TANC2: variants seen among roughly 807,000 people sequenced by gnomAD.
TANC2 encodes protein TANC2.
In TANC2, 26 loss-of-function variants were observed where a neutral mutation model predicts 210.5. The ratio of observed to expected loss-of-function variants is 0.12; its 90% confidence interval spans 0.09 to 0.17. TANC2 has a LOEUF of 0.17. TANC2 is among the 10% of genes least tolerant of loss of function. The pLI is 1.00. For missense variants in TANC2, 2,129 were observed against 2,608.9 expected (o/e 0.82, Z 4.01); for synonymous variants, 931 against 967.1 (o/e 0.96, Z 0.69).
intron 4 of TANC2, among the ~76,000 whole-genome samples, chr17:63,123,990 A>C (rs943730282): frequency 3.3e-5 from 5 of 152,094 alleles, no homozygotes; most frequent in South Asian, 2.1e-4. Flanking sequence ...CATGAGCCAC[A>C]GCGCCCGGCC....
chr17:63,046,297 C>G (rs1253187540), intron 2 of TANC2, among the ~76,000 whole-genome samples: 1 of 135,120 alleles, frequency 7.4e-6, no homozygotes, highest in Non-Finnish European at 1.5e-5. Context: ...GTAGCTGGGA[C>G]TACAGGTGCG....
intron 14 of TANC2, among the ~76,000 whole-genome samples, chr17:63,361,383 T>A (rs1384780199): frequency 2.6e-5 from 4 of 152,204 alleles, no homozygotes; most frequent in Non-Finnish European, 5.9e-5. Flanking sequence ...GTGAGCAGTG[T>A]GTGGACAAGA....
intron 2 of TANC2, among the ~76,000 whole-genome samples, chr17:63,063,376 G>A (rs1568355374): frequency 6.6e-6 from 1 of 152,134 alleles, no homozygotes; most frequent in African/African-American, 2.4e-5. Context: ...ATGATGGGCT[G>A]AAAGTTCCTA....
intron 1 of TANC2, among the ~76,000 whole-genome samples, chr17:62,997,160 C>T (rs2033159456): frequency 7.1e-6 from 1 of 140,774 alleles, no homozygotes; most frequent in South Asian, 2.4e-4. Context: ...GACAGAGTCT[C>T]ACTCTCTTTC....
chr17:63,133,902 A>G (rs1567751978), intron 4 of TANC2, among the ~76,000 whole-genome samples: 1 of 152,014 alleles, frequency 6.6e-6, no homozygotes, highest in Non-Finnish European at 1.5e-5. Flanking sequence ...TAAATCCAAC[A>G]TTAGCATGAT....
chr17:63,403,735 G>A (rs1488793105), intron 19 of TANC2, among the ~76,000 whole-genome samples: 1 of 152,072 alleles, frequency 6.6e-6, no homozygotes, highest in South Asian at 2.1e-4. Flanking sequence ...AGATAGAACT[G>A]GTTTAAGAGT....
At chr17:63,128,394 T>A (rs978106812) in intron 4 of TANC2, among the ~76,000 whole-genome samples, 3 of 152,158 alleles carry the variant, frequency 2.0e-5, no homozygotes, top group Admixed American at 6.5e-5. Flanking sequence ...AAATTAAAAA[T>A]AAATTTTCAG....
chr17:63,190,531 C>T (rs1422982519), intron 5 of TANC2, among the ~76,000 whole-genome samples: 1 of 151,920 alleles, frequency 6.6e-6, no homozygotes, highest in Admixed American at 6.6e-5. Context: ...TAATTTTGGG[C>T]CCCTTATATT....
At chr17:63,029,872 G>C (rs1017511261) in intron 2 of TANC2, among the ~76,000 whole-genome samples, 1 of 152,194 alleles carries the variant, frequency 6.6e-6, no homozygotes, top group Admixed American at 6.6e-5. Flanking sequence ...AGCAGCATTT[G>C]CTAGTAGATG....
At chr17:63,198,932 A>G (rs1164362988) in intron 6 of TANC2, among the ~76,000 whole-genome samples, 1 of 152,334 alleles carries the variant, frequency 6.6e-6, no homozygotes. Context: ...TGTTGTTAAG[A>G]AAAATTAGAT....
chr17:63,357,175 G>A (rs1183680504), intron 14 of TANC2, among the ~76,000 whole-genome samples: 1 of 152,164 alleles, frequency 6.6e-6, no homozygotes, highest in Non-Finnish European at 1.5e-5. Flanking sequence ...CCTAATAAAC[G>A]CTTTGAGATC....
intron 19 of TANC2, among the ~76,000 whole-genome samples, chr17:63,401,234 G>C (rs144302317): frequency 6.6e-6 from 1 of 152,238 alleles, no homozygotes; most frequent in Non-Finnish European, 1.5e-5. Context: ...GTGACCCAAA[G>C]CTAGTTGGTG....
chr17:63,225,679 C>T (rs1285443022), intron 7 of TANC2, among the ~76,000 whole-genome samples: 1 of 152,148 alleles, frequency 6.6e-6, no homozygotes, highest in Non-Finnish European at 1.5e-5. Context: ...TGCATTTTTA[C>T]CTCATTCTTT....
intron 1 of TANC2, among the ~76,000 whole-genome samples, chr17:63,008,103 G>A (rs190276458): frequency 2.2e-4 from 33 of 151,144 alleles, no homozygotes; most frequent in Admixed American, 2.1e-3. Context: ...TTTTTTGGGG[G>A]TCTGGCTGTT....
chr17:63,243,735 A>ATT (rs1050015659), intron 8 of TANC2, among the ~76,000 whole-genome samples: 31 of 152,174 alleles, frequency 2.0e-4, no homozygotes, highest in Non-Finnish European at 7.3e-5. Flanking sequence ...AGTTACATGG[A>ATT]TTTATACTCA....
chr17:63,332,936 T>C (rs936627103), intron 11 of TANC2, among the ~76,000 whole-genome samples: 1 of 135,942 alleles, frequency 7.4e-6, no homozygotes, highest in Non-Finnish European at 1.6e-5. Flanking sequence ...CATGGTTTAC[T>C]GATTATTTTA....
In TANC2 at chr17:63,388,665, TC is replaced by T; in HGVS notation, c.2724del (p.Ile909SerfsTer29). The T allele has an allele frequency of 6.2e-7, 1 of 1,607,124 alleles. No individual in the cohort carries two copies. Among genetic ancestry groups the T allele is most frequent in the Admixed American group, 1.7e-5 (1 of 59,260 alleles). On this transcript the variant is annotated frameshift_variant, in exon 16 of 28. Coordinates refer to ENST00000689528, the Ensembl canonical transcript of TANC2. LOFTEE classifies it high-confidence loss of function. ...GAGTAAAAAAGTTGGTGTATCATCC[TC>T]CATCCTCCAAGGTCTCTGGATCTCT...
At chr17:63,217,350 G>T (rs1054469801) in intron 7 of TANC2, among the ~76,000 whole-genome samples, 1 of 152,158 alleles carries the variant, frequency 6.6e-6, no homozygotes. Context: ...GCTATTAAGG[G>T]TGAGGTAGGG....
At chr17:63,279,411 A>T (rs1305197806) in intron 9 of TANC2, among the ~76,000 whole-genome samples, 2 of 149,064 alleles carry the variant, frequency 1.3e-5, no homozygotes, top group Non-Finnish European at 3.0e-5. Context: ...GGAGTTAAGT[A>T]ATTTGCAAAA....
Sources: gnomAD v4.1 joint callset for allele counts (sites outside exome capture counted in the v4.1 genomes callset) on GRCh38, gnomAD v4.1.1 for gene constraint, MANE v1.5 for transcripts, NCBI Gene and HGNC (gene_info 2026-07-23, HGNC 2026-07-21) for gene names.